The following ALMS1 variants were observed in gnomAD, a reference collection of about 807,000 sequenced individuals.
ALMS1 encodes the protein ALMS1 centrosome and basal body associated protein, also known as centrosome-associated protein ALMS1.
In ALMS1, 271 loss-of-function variants were observed where a neutral mutation model predicts 352.2. The ratio of observed to expected loss-of-function variants is 0.77; its 90% confidence interval spans 0.70 to 0.85. The LOEUF is 0.85. ALMS1 is among the 40% of genes least tolerant of loss of function. The pLI, the probability that ALMS1 is intolerant of heterozygous loss-of-function variation, is 0.00. For missense variants in ALMS1, 5,445 were observed against 4,870.7 expected (o/e 1.12, Z -3.51); for synonymous variants, 1,865 against 1,761.2 (o/e 1.06, Z -1.48).
intron 9 of ALMS1, chr2:73,459,118 T>A (rs1672133374): frequency 6.6e-6 from 1 of 152,214 alleles, no homozygotes; most frequent in Non-Finnish European, 1.5e-5. Flanking sequence ...CTTTCATGAC[T>A]GACATTTTTG....
chr2:73,407,473 A>G (rs1456785413), intron 1 of ALMS1, among the ~76,000 whole-genome samples: 4 of 146,960 alleles, frequency 2.7e-5, no homozygotes, highest in Non-Finnish European at 6.0e-5. Context: ...TTTAAATCCT[A>G]TAAAAGAATT....
chr2:73,556,642 T>G (rs1465316043), intron 13 of ALMS1, among the ~76,000 whole-genome samples: 4 of 139,474 alleles, frequency 2.9e-5, no homozygotes, highest in Non-Finnish European at 3.1e-5. Flanking sequence ...CCTTTTTTTT[T>G]TTGTTTTTTT....
At chr2:73,469,996 A>T (rs2103839435) in intron 9 of ALMS1, 1 of 151,976 alleles carries the variant, frequency 6.6e-6, no homozygotes, top group South Asian at 2.1e-4. Flanking sequence ...GAGGACATTA[A>T]CAAAAACCTC....
intron 16 of ALMS1, 180 bp downstream of exon 16, chr2:73,573,604 C>T (rs1285779576): frequency 1.8e-5 from 13 of 710,918 alleles, no homozygotes; most frequent in Non-Finnish European, 2.8e-5. Context: ...TCATTATTTT[C>T]ATCAACATTC....
chr2:73,510,792 A>T (rs989216238), intron 10 of ALMS1, among the ~76,000 whole-genome samples: 2 of 152,172 alleles, frequency 1.3e-5, no homozygotes, highest in Admixed American at 6.5e-5. Flanking sequence ...GGAACGTTTA[A>T]GTCTGCTGAA....
intron 1 of ALMS1, among the ~76,000 whole-genome samples, chr2:73,405,206 G>A (rs781047229): frequency 1.5e-4 from 23 of 151,956 alleles, no homozygotes; most frequent in Non-Finnish European, 2.2e-4. Context: ...GAGCCACTGC[G>A]CCTGGCCATG....
chr2:73,586,370 T>C (rs999599835), intron 16 of ALMS1, among the ~76,000 whole-genome samples: 2 of 152,222 alleles, frequency 1.3e-5, no homozygotes, highest in African/African-American at 4.8e-5. Flanking sequence ...AGAATTGTTA[T>C]GGTTTCAGGT....
intron 16 of ALMS1, among the ~76,000 whole-genome samples, chr2:73,586,997 GT>G (rs879888816): frequency 2.6e-4 from 38 of 143,396 alleles, no homozygotes; most frequent in Non-Finnish European, 4.7e-4. Context: ...AAGGTTTTGT[GT>G]TTTTTTTTGT....
At chr2:73,535,171 T>A (rs1202231122) in intron 12 of ALMS1, among the ~76,000 whole-genome samples, 1 of 152,210 alleles carries the variant, frequency 6.6e-6, no homozygotes, top group Non-Finnish European at 1.5e-5. Flanking sequence ...GGATCATTAT[T>A]TGGGTTAGTG....
intron 16 of ALMS1, among the ~76,000 whole-genome samples, chr2:73,591,926 T>C (rs1675442768): frequency 6.6e-6 from 1 of 152,224 alleles, no homozygotes; most frequent in East Asian, 1.9e-4. Context: ...AATTGAGTGT[T>C]TTAGCTCTTG....
rs565560591 is a variant in ALMS1, at chr2:73,516,256, T to C, written c.9540-3519T>C. Among the ~76,000 whole-genome samples the C allele has an allele frequency of 4.6e-5, 7 of 152,288 alleles. No individual in the cohort carries two copies. The South Asian group carries it at 1.5e-3, about 32-fold the overall frequency. On this transcript the variant is annotated intron_variant, in intron 10 of 22. Transcript: ENST00000613296. ...AAAACCACAATGAGATACCATCTCATGTTAGTCAGAATGTCTATTAATAAA... is the reference window on the plus strand; with the variant it reads ...AAAACCACAATGAGATACCATCTCACGTTAGTCAGAATGTCTATTAATAAA...
At chr2:73,459,335 TTG>T (rs1672139096) in intron 9 of ALMS1, 2 of 152,184 alleles carry the variant, frequency 1.3e-5, no homozygotes. Context: ...ATCTGCTGGT[TTG>T]TGTGTTTTAC....
intron 9 of ALMS1, among the ~76,000 whole-genome samples, chr2:73,475,419 C>T (rs1197209382): frequency 6.6e-6 from 1 of 152,040 alleles, no homozygotes; most frequent in African/African-American, 2.4e-5. Context: ...TGATTATAGC[C>T]TGGTTGGGTG....
At chr2:73,446,499 A>G (rs1671812789) in intron 7 of ALMS1, among the ~76,000 whole-genome samples, 2 of 152,196 alleles carry the variant, frequency 1.3e-5, no homozygotes. Context: ...TCAGGTTACA[A>G]TGCATGTTAC....
intron 13 of ALMS1, among the ~76,000 whole-genome samples, chr2:73,552,208 T>A (rs912311437): frequency 3.9e-5 from 6 of 152,238 alleles, no homozygotes; most frequent in Non-Finnish European, 8.8e-5. Context: ...TCCATTTTTT[T>A]AGATAATTTC....
chr2:73,548,212 A>G (rs1674360134), intron 12 of ALMS1, among the ~76,000 whole-genome samples: 1 of 152,224 alleles, frequency 6.6e-6, no homozygotes. Flanking sequence ...GGCATTATTC[A>G]CATTATAAAT....
At position 73,451,041 on chromosome 2, in the gene ALMS1, C is replaced by A. The variant is rs1204081721; in HGVS notation, c.4514C>A (p.Ala1505Asp). Residue 1505 changes from alanine to aspartate, a missense_variant, in exon 8 of 23, where the codon GCT (alanine) becomes GAT (aspartate). Physicochemically the swap from Ala to Asp is moderately radical, Grantham distance 126. Coordinates refer to ENST00000613296, the MANE Select transcript of ALMS1 (RefSeq NM_001378454.1). ...GAAGAGTCTCTGAAAGTTTCAGTTG[C>A]TCCTGGACCAGTTGGCCAGACAACT... ...LPEESLKVSVAPGPVGQTTGA... is the reference protein window; with the variant it reads ...LPEESLKVSVDPGPVGQTTGA... The A allele has an allele frequency of 6.2e-7, 1 of 1,612,808 alleles. No homozygotes were observed. Among genetic ancestry groups the A allele is most frequent in the Non-Finnish European group, 8.5e-7 (1 of 1,179,704 alleles).
At chr2:73,482,231 T>C (rs541685482) in intron 9 of ALMS1, among the ~76,000 whole-genome samples, 1 of 152,354 alleles carries the variant, frequency 6.6e-6, no homozygotes, top group South Asian at 2.1e-4. Context: ...AGATAACTCT[T>C]ATTATTTTGA....
chr2:73,585,010 C>A (rs1210489755), intron 16 of ALMS1, among the ~76,000 whole-genome samples: 1 of 152,134 alleles, frequency 6.6e-6, no homozygotes, highest in East Asian at 1.9e-4. Flanking sequence ...ACCACATTTT[C>A]TTTATCTACA....
Sources: allele counts gnomAD v4.1 joint callset (sites outside exome capture counted in the v4.1 genomes callset), GRCh38; gene constraint gnomAD v4.1.1; transcripts MANE v1.5; gene names NCBI Gene and HGNC (gene_info 2026-07-23, HGNC 2026-07-21).